The following PARD3 variants were observed in gnomAD, a reference collection of about 807,000 sequenced individuals.
The protein encoded by PARD3 is par-3 family cell polarity regulator, also known as partitioning defective 3 homolog.
In PARD3, 75 loss-of-function variants were observed where a neutral mutation model predicts 155.4. The ratio of observed to expected loss-of-function variants is 0.48; its 90% CI spans 0.40 to 0.58. The LOEUF is 0.58. Ranked by LOEUF, PARD3 falls within the 20% of genes least tolerant of loss-of-function variation. The probability of loss-of-function intolerance (pLI) is 0.00; values close to 1 mark genes in which losing one functional copy is unlikely to be tolerated. For synonymous variants in PARD3, 576 were observed against 610.5 expected, an observed-to-expected ratio of 0.94 and a Z score of 0.83; for missense variants, 1,642 against 1,721.7, an observed-to-expected ratio of 0.95 and a Z score of 0.82.
chr10:34,692,812 T>G (rs2094093983), intron 2 of PARD3, among the ~76,000 whole-genome samples: 1 of 152,226 alleles, frequency 6.6e-6, no homozygotes, highest in Admixed American at 6.5e-5. Flanking sequence ...GGATGGAGGT[T>G]GCAGTGAGCT....
At chr10:34,721,910 G>A (rs550971557) in intron 1 of PARD3, among the ~76,000 whole-genome samples, 3 of 152,308 alleles carry the variant, frequency 2.0e-5, no homozygotes, top group Admixed American at 1.3e-4. Flanking sequence ...GGGTGCAGTG[G>A]CTCACGCCTG....
At chr10:34,435,195 A>G (rs954026345) in intron 5 of PARD3, among the ~76,000 whole-genome samples, 15 of 151,226 alleles carry the variant, frequency 9.9e-5, no homozygotes, top group South Asian at 2.1e-4. Context: ...AAATAACAGG[A>G]AAAAAAAAGG....
At chr10:34,255,843 T>C (rs1186195737) in intron 22 of PARD3, among the ~76,000 whole-genome samples, 1 of 152,240 alleles carries the variant, frequency 6.6e-6, no homozygotes, top group African/African-American at 2.4e-5. Flanking sequence ...TTTGAAAATT[T>C]ATAAAGAAAC....
chr10:34,551,035 C>T (rs1268643858), intron 2 of PARD3, among the ~76,000 whole-genome samples: 2 of 152,048 alleles, frequency 1.3e-5, no homozygotes, highest in Admixed American at 1.3e-4. Flanking sequence ...AGTCCAGTTA[C>T]AAAAATACAC....
intron 1 of PARD3, among the ~76,000 whole-genome samples, chr10:34,723,169 C>T (rs999851405): frequency 6.6e-6 from 1 of 152,110 alleles, no homozygotes; most frequent in African/African-American, 2.4e-5. Context: ...ACGGCAAGAA[C>T]CCTGTCTCTA....
intron 22 of PARD3, among the ~76,000 whole-genome samples, chr10:34,217,242 C>G (rs909685932): frequency 1.4e-4 from 21 of 151,910 alleles, no homozygotes; most frequent in African/African-American, 4.6e-4. Flanking sequence ...TGCGCTGTCT[C>G]TGTCTCTCTC....
chr10:34,441,623 T>C (rs139779908), intron 5 of PARD3, among the ~76,000 whole-genome samples: 1 of 152,182 alleles, frequency 6.6e-6, no homozygotes, highest in African/African-American at 2.4e-5. Flanking sequence ...CCCCAGAAAA[T>C]GTGTGTGTCC....
intron 3 of PARD3, among the ~76,000 whole-genome samples, chr10:34,483,393 A>C (rs1349256992): frequency 6.6e-6 from 1 of 151,262 alleles, no homozygotes; most frequent in African/African-American, 2.4e-5. Flanking sequence ...GAGGCAGGAT[A>C]ATTGCTTGAG....
intron 22 of PARD3, among the ~76,000 whole-genome samples, chr10:34,256,238 C>T (rs756676953): frequency 7.2e-5 from 11 of 152,160 alleles, no homozygotes; most frequent in African/African-American, 1.7e-4. Flanking sequence ...AGCTTTTGTC[C>T]GAATTTGTGC....
At chr10:34,542,614 C>T (rs1243721166) in intron 2 of PARD3, among the ~76,000 whole-genome samples, 1 of 152,184 alleles carries the variant, frequency 6.6e-6, no homozygotes, top group Non-Finnish European at 1.5e-5. Context: ...TTTATATGTG[C>T]ATTGCCTTAA....
At chr10:34,446,481 T>C (rs2076745813) in intron 5 of PARD3, among the ~76,000 whole-genome samples, 1 of 152,118 alleles carries the variant, frequency 6.6e-6, no homozygotes, top group African/African-American at 2.4e-5. Context: ...AACTGATGTA[T>C]GGACAAGTAG....
intron 2 of PARD3, among the ~76,000 whole-genome samples, chr10:34,649,932 C>T (rs1167251828): frequency 1.3e-5 from 2 of 150,996 alleles, no homozygotes; most frequent in Non-Finnish European, 3.0e-5. Context: ...AACTAAGACA[C>T]ACACACACAC....
intron 2 of PARD3, among the ~76,000 whole-genome samples, chr10:34,541,507 C>T (rs2083609802): frequency 1.3e-5 from 2 of 152,102 alleles, no homozygotes; most frequent in Admixed American, 1.3e-4. Flanking sequence ...TGTACAAAAC[C>T]CTGAAGCCCA....
intron 1 of PARD3, among the ~76,000 whole-genome samples, chr10:34,806,753 C>T (rs561210317): frequency 6.6e-6 from 1 of 152,176 alleles, no homozygotes; most frequent in Non-Finnish European, 1.5e-5. Context: ...TGGAGGGAAG[C>T]AGTAAGAGGT....
At position 34,716,599 on chromosome 10, in the gene PARD3, T is replaced by TTC. The variant is rs1327378346; in HGVS notation, c.121-20181_121-20180insGA. Among the ~76,000 whole-genome samples the TTC allele has an allele frequency of 6.3e-5, 9 of 143,976 alleles. No homozygotes were observed. In the East Asian group the frequency reaches 1.0e-3, roughly 16 times the overall value. The allele number at this position is 143,976 out of a possible 152,430, so 94.5% of individuals were successfully genotyped here. ...GGATGGCTTTTCTTTTTTTTTTTTT[T>TTC]TTTTTTTTTTGAGACAGAGTTTTGC... On this transcript the variant is annotated intron_variant, in intron 1 of 24. Transcript: ENST00000374788.
chr10:34,196,162 C>T (rs553230897), intron 22 of PARD3, among the ~76,000 whole-genome samples: 2 of 152,282 alleles, frequency 1.3e-5, no homozygotes, highest in South Asian at 4.1e-4. Flanking sequence ...GCTCCTTTGT[C>T]TATAGCTTTC....
chr10:34,347,130 T>C (rs1367987895), intron 15 of PARD3, among the ~76,000 whole-genome samples: 2 of 152,258 alleles, frequency 1.3e-5, no homozygotes, highest in African/African-American at 4.8e-5. Flanking sequence ...ATTTAGGGTT[T>C]TACTTTAAAT....
intron 22 of PARD3, among the ~76,000 whole-genome samples, chr10:34,141,907 T>C (rs892159320): frequency 3.3e-5 from 5 of 152,190 alleles, no homozygotes; most frequent in Non-Finnish European, 5.9e-5. Context: ...ATCACAGCCA[T>C]ACCTCCAATG....
chr10:34,556,517 G>A (rs1410283752), intron 2 of PARD3, among the ~76,000 whole-genome samples: 2 of 151,846 alleles, frequency 1.3e-5, no homozygotes, highest in Non-Finnish European at 2.9e-5. Flanking sequence ...AGAGTAGCTG[G>A]GAATACAGGC....
Sources: allele counts gnomAD v4.1 joint callset (sites outside exome capture counted in the v4.1 genomes callset), GRCh38; gene constraint gnomAD v4.1.1; transcripts MANE v1.5; gene names NCBI Gene and HGNC (gene_info 2026-07-23, HGNC 2026-07-21).